THSD7A: variants seen among roughly 807,000 people sequenced by gnomAD.
THSD7A encodes the protein thrombospondin type 1 domain containing 7A.
In THSD7A, 96 loss-of-function variants were observed where a neutral mutation model predicts 231.3. The ratio of observed to expected loss-of-function variants is 0.41; its 90% CI spans 0.35 to 0.49. THSD7A has a LOEUF of 0.49. Ranked by LOEUF, THSD7A falls within the 20% of genes least tolerant of loss-of-function variation. THSD7A has a pLI of 0.05. For missense variants in THSD7A, 2,290 were observed against 2,070.2 expected (o/e 1.11, Z -2.06); for synonymous variants, 940 against 743.3 (o/e 1.26, Z -4.30).
rs572313159 is a variant in THSD7A at position 11,615,216 on chromosome 7, G to A, written c.1022+20914C>T. On this transcript the variant is annotated intron_variant, in intron 2 of 27. Coordinates refer to ENST00000423059, the MANE Select transcript of THSD7A (RefSeq NM_015204.3). ...GGAAGGGATGTAAACACAACTGTAT[G>A]CAACCAAGGGACATGATCACCCTGA... 7.2e-5 allele frequency among the ~76,000 whole-genome samples: 11 copies of A among 152,300 alleles called. No individual in the cohort carries two copies. The South Asian group carries it at 1.2e-3, about 17-fold the overall frequency.
intron 6 of THSD7A, among the ~76,000 whole-genome samples, chr7:11,519,031 G>C (rs1445169689): frequency 1.3e-5 from 2 of 152,082 alleles, no homozygotes; most frequent in African/African-American, 4.8e-5. Context: ...TATGGGCTTT[G>C]GAGTTCGGCA....
chr7:11,762,488 T>C (rs1782897313), intron 1 of THSD7A, among the ~76,000 whole-genome samples: 1 of 152,180 alleles, frequency 6.6e-6, no homozygotes, highest in African/African-American at 2.4e-5. Flanking sequence ...TGATTAGTGA[T>C]ATGGAGCATT....
At chr7:11,790,111 TTAAG>T (rs1427667757) in intron 1 of THSD7A, among the ~76,000 whole-genome samples, 1 of 151,896 alleles carries the variant, frequency 6.6e-6, no homozygotes, top group Non-Finnish European at 1.5e-5. Context: ...AAAGAACAAA[TTAAG>T]TATTAATTTC....
intron 7 of THSD7A, among the ~76,000 whole-genome samples, chr7:11,476,318 TACACAC>T (rs59127235): frequency 0.027 from 3,735 of 137,352 alleles, 75 homozygotes; most frequent in African/African-American, 0.068. Flanking sequence ...CTCTGGAAGA[TACACAC>T]ACACACACAC....
intron 7 of THSD7A, among the ~76,000 whole-genome samples, chr7:11,476,320 C>G: frequency 1.8e-5 from 1 of 54,510 alleles, no homozygotes; most frequent in Admixed American, 1.5e-4. Flanking sequence ...CTGGAAGATA[C>G]ACACACACAC....
intron 7 of THSD7A, among the ~76,000 whole-genome samples, chr7:11,475,105 G>A (rs1429641433): frequency 6.6e-6 from 1 of 152,158 alleles, no homozygotes; most frequent in Non-Finnish European, 1.5e-5. Context: ...CAATTGGAGT[G>A]TAGAGTTCAC....
At chr7:11,578,442 C>T (rs1433514876) in intron 4 of THSD7A, among the ~76,000 whole-genome samples, 2 of 152,168 alleles carry the variant, frequency 1.3e-5, no homozygotes, top group East Asian at 3.9e-4. Context: ...AGGCATTTCT[C>T]TGTCTTTTTA....
chr7:11,736,794 G>C (rs1781930716), intron 1 of THSD7A, among the ~76,000 whole-genome samples: 1 of 151,914 alleles, frequency 6.6e-6, no homozygotes, highest in African/African-American at 2.4e-5. Context: ...ACTTGATATG[G>C]TTTGACCATG....
At chr7:11,409,440 T>C (rs991291020) in intron 19 of THSD7A, among the ~76,000 whole-genome samples, 1 of 152,244 alleles carries the variant, frequency 6.6e-6, no homozygotes, top group African/African-American at 2.4e-5. Flanking sequence ...AGTATTTGCA[T>C]GTAAGCTTAA....
At chr7:11,589,201 T>A (rs1190706676) in intron 4 of THSD7A, among the ~76,000 whole-genome samples, 1 of 152,218 alleles carries the variant, frequency 6.6e-6, no homozygotes, top group East Asian at 1.9e-4. Flanking sequence ...CCTTTATCCT[T>A]GTTCTTTTTC....
At chr7:11,764,304 G>A (rs771442672) in intron 1 of THSD7A, among the ~76,000 whole-genome samples, 4 of 152,210 alleles carry the variant, frequency 2.6e-5, no homozygotes, top group Admixed American at 6.5e-5. Context: ...AGTAAAGACC[G>A]GGCATGGTGG....
chr7:11,699,960 C>T (rs555015552), intron 1 of THSD7A, among the ~76,000 whole-genome samples: 5 of 151,412 alleles, frequency 3.3e-5, no homozygotes, highest in African/African-American at 1.2e-4. Flanking sequence ...AATCTTTTCA[C>T]TTACTTAAAA....
rs145419553 is a variant in THSD7A, at chr7:11,741,944, G to T, written c.190+89813C>A. On this transcript the variant is annotated intron_variant, in intron 1 of 27. Coordinates refer to ENST00000423059, the MANE Select transcript of THSD7A (RefSeq NM_015204.3). ...TCCTCACATTAGGTAGTGCTGACAT[G>T]GTCACTTTTATTATATAGATGTGGG... is the stretch of plus-strand genomic sequence containing the variant. Among the ~76,000 whole-genome samples the T allele has an allele frequency of 4.7e-3, 720 of 151,884 alleles. 2 individuals carry two copies. Among genetic ancestry groups the T allele is most frequent in the African/African-American group, 0.017 (696 of 41,462 alleles).
intron 1 of THSD7A, among the ~76,000 whole-genome samples, chr7:11,729,445 G>A (rs952279747): frequency 2.0e-5 from 3 of 151,696 alleles, no homozygotes; most frequent in African/African-American, 7.2e-5. Flanking sequence ...AAATGCAGGA[G>A]AGAAACTGAA....
intron 7 of THSD7A, among the ~76,000 whole-genome samples, chr7:11,480,978 G>A (rs1253668921): frequency 6.6e-6 from 1 of 152,102 alleles, no homozygotes; most frequent in Non-Finnish European, 1.5e-5. Context: ...TTATATTCTT[G>A]AGAAAGAACA....
At chr7:11,490,873 T>C (rs1476916128) in intron 6 of THSD7A, among the ~76,000 whole-genome samples, 3 of 152,114 alleles carry the variant, frequency 2.0e-5, no homozygotes, top group Non-Finnish European at 4.4e-5. Context: ...ATAGTACTTA[T>C]GGTATTCCCA....
chr7:11,778,594 G>A (rs891744445), intron 1 of THSD7A, among the ~76,000 whole-genome samples: 5 of 152,056 alleles, frequency 3.3e-5, no homozygotes, highest in African/African-American at 1.2e-4. Flanking sequence ...CGTCAGCTTA[G>A]AAATATAATT....
chr7:11,407,124 A>G, intron 20 of THSD7A, 69 bp from the exon 21 acceptor site: 1 of 1,571,410 alleles, frequency 6.4e-7, no homozygotes, highest in South Asian at 1.2e-5. Context: ...TCTCATTGGG[A>G]GAAGGCATCA....
intron 1 of THSD7A, among the ~76,000 whole-genome samples, chr7:11,726,958 C>A (rs1332165017): frequency 6.6e-6 from 1 of 151,950 alleles, no homozygotes; most frequent in Non-Finnish European, 1.5e-5. Flanking sequence ...CAGCTCTAGG[C>A]AAGGCTGCTG....
Sources: allele counts gnomAD v4.1 joint callset (sites outside exome capture counted in the v4.1 genomes callset), GRCh38; gene constraint gnomAD v4.1.1; transcripts MANE v1.5; gene names NCBI Gene and HGNC (gene_info 2026-07-23, HGNC 2026-07-21).